The following PLXNA4 variants were observed in gnomAD, a reference collection of about 807,000 sequenced individuals.
The protein encoded by PLXNA4 is plexin-A4.
Under a neutral mutation model 191.8 loss-of-function variants are expected in PLXNA4, and 44 were observed. That is an observed-to-expected ratio of 0.23 (90% CI 0.18 to 0.29). PLXNA4 has a LOEUF of 0.29. Ranked by LOEUF, PLXNA4 falls within the 10% of genes least tolerant of loss-of-function variation. The probability of loss-of-function intolerance (pLI) is 1.00; values close to 1 mark genes in which losing one functional copy is unlikely to be tolerated. For missense variants in PLXNA4, 1,800 were observed against 2,488.8 expected (o/e 0.72, Z 5.89); for synonymous variants, 1,082 against 1,009.5 (o/e 1.07, Z -1.36).
intron 10 of PLXNA4, among the ~76,000 whole-genome samples, chr7:132,207,429 C>A (rs538695220): frequency 6.6e-6 from 1 of 152,314 alleles, no homozygotes; most frequent in Admixed American, 6.5e-5. Flanking sequence ...AGCTGGTGGC[C>A]ACGCACTATT....
At position 132,313,506 on chromosome 7, in the gene PLXNA4, A is replaced by T. The variant is rs571878369; in HGVS notation, c.1372-15284T>A. Among the ~76,000 whole-genome samples the T allele has an allele frequency of 1.5e-3, 228 of 152,312 alleles. 2 individuals are homozygous for T. Among genetic ancestry groups the T allele is most frequent in the Non-Finnish European group, 2.0e-3 (138 of 68,040 alleles). On this transcript the variant is annotated intron_variant, in intron 3 of 31. Coordinates refer to ENST00000321063, the MANE Select transcript of PLXNA4 (RefSeq NM_020911.2). ...AGAAGGAGATGGGGCTTGAAGAATG[A>T]AGGACAAACTCTGGATTGTCACACC...
chr7:132,501,493 C>G, intron 2 of PLXNA4, among the ~76,000 whole-genome samples: 1 of 152,232 alleles, frequency 6.6e-6, no homozygotes, highest in South Asian at 2.1e-4. Flanking sequence ...CCTGCTGACC[C>G]GATGGCCTCC....
At chr7:132,173,610 C>A (rs545715236) in intron 21 of PLXNA4, among the ~76,000 whole-genome samples, 4 of 152,324 alleles carry the variant, frequency 2.6e-5, no homozygotes, top group African/African-American at 9.6e-5. Flanking sequence ...GCCACGAATG[C>A]CCCTCTGGAC....
chr7:132,356,188 AT>A (rs5887568), intron 3 of PLXNA4, among the ~76,000 whole-genome samples: 8,265 of 152,090 alleles, frequency 0.054, 288 homozygotes, highest in Middle Eastern at 0.082. Context: ...CTGGGGTTCT[AT>A]TTTTTTCCCA....
intron 1 of PLXNA4, among the ~76,000 whole-genome samples, chr7:132,569,253 G>C (rs2116744329): frequency 6.6e-6 from 1 of 152,334 alleles, no homozygotes; most frequent in East Asian, 1.9e-4. Flanking sequence ...GGGAAGGCAG[G>C]GCCAGCTTGG....
chr7:132,354,210 C>A (rs559475486), intron 3 of PLXNA4, among the ~76,000 whole-genome samples: 1 of 151,474 alleles, frequency 6.6e-6, no homozygotes, highest in African/African-American at 2.4e-5. Flanking sequence ...TGTGTGAGTG[C>A]ACTGCACACT....
intron 4 of PLXNA4, among the ~76,000 whole-genome samples, chr7:132,265,554 T>A (rs575874455): frequency 6.6e-6 from 1 of 151,990 alleles, no homozygotes; most frequent in African/African-American, 2.4e-5. Flanking sequence ...GAAGACAGGA[T>A]TGGGGTCATT....
Position 132,258,302 on chromosome 7 carries a change from T to A in PLXNA4, c.1504-17136A>T, listed in dbSNP as rs75155433. Among the ~76,000 whole-genome samples, 686 of 152,384 alleles carry A rather than the reference T, an allele frequency of 4.5e-3. 7 individuals carry two copies. Among genetic ancestry groups the A allele is most frequent in the African/African-American group, 0.016 (653 of 41,594 alleles). ...GTGGCATTGGTGACACCACAGGGTA[T>A]GAAAGGTTAGCTTTGCATGCCTCAG... On this transcript the variant is annotated intron_variant, in intron 4 of 31. Coordinates refer to ENST00000321063, the MANE Select transcript of PLXNA4 (RefSeq NM_020911.2).
chr7:132,246,805 A>ATCATCATCC lies in PLXNA4; in HGVS notation c.1504-5640_1504-5639insGGATGATGA, dbSNP rs759386071. On this transcript the variant is annotated intron_variant, in intron 4 of 31. Coordinates refer to ENST00000321063, the MANE Select transcript of PLXNA4 (RefSeq NM_020911.2). ...CATCATCATCATCATCATCATCATC[A>ATCATCATCC]TCCTCATCATCATCCTCATCACCAT... is the stretch of plus-strand genomic sequence containing the variant. 1.3e-4 allele frequency among the ~76,000 whole-genome samples: 19 copies of ATCATCATCC among 147,440 alleles called. No individual in the cohort carries two copies. In the East Asian group the frequency reaches 2.8e-3, roughly 21 times the overall value.
intron 1 of PLXNA4, among the ~76,000 whole-genome samples, chr7:132,568,669 A>G (rs568701679): frequency 6.6e-6 from 1 of 152,340 alleles, no homozygotes; most frequent in Admixed American, 6.5e-5. Flanking sequence ...ATTATTAAAA[A>G]GCAGGAATTG....
Position 132,178,723 on chromosome 7 carries a change from CACACACACTTGTAAATGAAACACAT to C in PLXNA4, c.3874+939_3874+963del, listed in dbSNP as rs1329407366. Among the ~76,000 whole-genome samples, 60 of 122,044 alleles carry C rather than the reference CACACACACTTGTAAATGAAACACAT, an allele frequency of 4.9e-4. 1 individual carries two copies. The highest frequency in any genetic ancestry group is 2.2e-3 in the African/African-American group (53 of 24,200). The allele number at this position is 122,044 out of a possible 152,430, so 80.1% of individuals were successfully genotyped here. A position where few individuals can be genotyped will look rare whatever the true frequency, so the allele number is the denominator to read the frequency against. ...ACATACACATACACATACACACACA[CACACACACTTGTAAATGAAACACAT>C]ACACACACACACACACACACACACA... On this transcript the variant is annotated intron_variant, in intron 20 of 31. Transcript: ENST00000321063.
At position 132,198,481 on chromosome 7, in the gene PLXNA4, T is replaced by G; in HGVS notation, c.2738+4A>C. ...CCTCCTGTGTTGCATGCAGCTTCAC[T>G]TACTGTTCTGCAGGGATGTAACCAT... On this transcript the variant is annotated splice_donor_region_variant and intron_variant, in intron 13 of 31. Transcript: ENST00000321063. 6.2e-7 allele frequency: 1 copy of G among 1,613,694 alleles called. No individual in the cohort carries two copies. Among genetic ancestry groups the G allele is most frequent in the Non-Finnish European group, 8.5e-7 (1 of 1,179,798 alleles).
intron 24 of PLXNA4, among the ~76,000 whole-genome samples, chr7:132,163,368 A>G (rs532880386): frequency 5.9e-5 from 9 of 152,310 alleles, no homozygotes; most frequent in African/African-American, 2.2e-4. Flanking sequence ...CCTCTGCACA[A>G]CTTCACTCTG....
intron 1 of PLXNA4, among the ~76,000 whole-genome samples, chr7:132,562,592 TCTCCTC>T (rs1314618002): frequency 4.6e-5 from 2 of 43,762 alleles, no homozygotes; most frequent in African/African-American, 2.0e-4. Context: ...TCTTCCTCTT[TCTCCTC>T]CTCCTCCTCC....
chr7:132,619,479 T>C (rs780671802), intron 2 of PLXNA4, among the ~76,000 whole-genome samples: 1 of 152,272 alleles, frequency 6.6e-6, no homozygotes, highest in Non-Finnish European at 1.5e-5. Context: ...CTTGCTGGTA[T>C]GTAAGCAACT....
At chr7:132,298,341 G>C in intron 3 of PLXNA4, 119 bp from the exon 4 acceptor site, 2 of 1,325,686 alleles carry the variant, frequency 1.5e-6, no homozygotes, top group Non-Finnish European at 1.0e-6. Context: ...TCTCCACAGT[G>C]CTCACAGGCT....
At chr7:132,524,695 C>T (rs954881956) in intron 1 of PLXNA4, among the ~76,000 whole-genome samples, 1 of 152,078 alleles carries the variant, frequency 6.6e-6, no homozygotes, top group African/African-American at 2.4e-5. Flanking sequence ...CCTGCCTCAG[C>T]CTCCTGAGTA....
At chr7:132,590,283 G>C (rs1181693572) in intron 2 of PLXNA4, among the ~76,000 whole-genome samples, 1 of 152,206 alleles carries the variant, frequency 6.6e-6, no homozygotes, top group African/African-American at 2.4e-5. Context: ...AGTCAGTTAG[G>C]AAGGCCTTTG....
chr7:132,469,291 G>A (rs1444704985), intron 3 of PLXNA4, among the ~76,000 whole-genome samples: 1 of 152,136 alleles, frequency 6.6e-6, no homozygotes, highest in African/African-American at 2.4e-5. Flanking sequence ...GTAAATTGGA[G>A]CAAAAATCCT....
Sources: allele counts gnomAD v4.1 joint callset (sites outside exome capture counted in the v4.1 genomes callset), GRCh38; gene constraint gnomAD v4.1.1; transcripts MANE v1.5; gene names NCBI Gene and HGNC (gene_info 2026-07-23, HGNC 2026-07-21).